CXCL11: variants seen among roughly 807,000 people sequenced by gnomAD.
CXCL11 encodes C-X-C motif chemokine 11.
Under a neutral mutation model 9.7 loss-of-function variants are expected in CXCL11, and 7 were observed. That is an observed-to-expected ratio of 0.72 (90% CI 0.41 to 1.36). CXCL11 has a LOEUF of 1.36. CXCL11 is among the 40% of genes most tolerant of loss of function. The pLI, the probability that CXCL11 is intolerant of heterozygous loss-of-function variation, is 0.01. For missense variants in CXCL11, 107 were observed against 113.4 expected, an observed-to-expected ratio of 0.94 and a Z score of 0.26; for synonymous variants, 35 against 34.4, an observed-to-expected ratio of 1.02 and a Z score of -0.06.
In CXCL11 at chr4:76,034,755, A is replaced by C. The variant is rs757781879; in HGVS notation, c.*38T>G. ...CAGTTAAACTTGTTCTAGGTTTTTC[A>C]GATGCTCTTTTCCAGGACTTCATAT... On this transcript the variant is annotated 3_prime_UTR_variant, in exon 4 of 4. Transcript: ENST00000306621. The C allele has an allele frequency of 2.8e-6, 4 of 1,434,996 alleles. No homozygotes were observed. The Admixed American group carries it at 7.3e-5, about 26-fold the overall frequency. The allele number at this position is 1,434,996 out of a possible 1,614,324, so 88.9% of individuals were successfully genotyped here.
rs1734228371 is a variant in CXCL11 at position 76,035,042 on chromosome 4, C to T, written c.261+5G>A. On this transcript the variant is annotated splice_donor_5th_base_variant and intron_variant, in intron 3 of 3. Transcript: ENST00000306621. ...TTATAACATGGGAGTAATTTGGTAA[C>T]TTACTTTGATTATAAGCCTTGCTTG... 1 of 1,608,636 alleles carries T rather than the reference C, an allele frequency of 6.2e-7. No homozygotes were observed. The highest frequency in any genetic ancestry group is 1.1e-5 in the South Asian group (1 of 90,912).
chr4:76,034,932 T>A, intron 3 of CXCL11, 115 bp downstream of exon 3: 1 of 1,346,234 alleles, frequency 7.4e-7, no homozygotes, highest in East Asian at 2.3e-5. Context: ...CTTAACAGAA[T>A]ATTTCACACA....
rs1734226374 is a variant in CXCL11 at position 76,035,031 on chromosome 4, T to C, written c.261+16A>G. 2 of 1,597,786 alleles carry C rather than the reference T, an allele frequency of 1.3e-6. No homozygotes were observed. The highest frequency in any genetic ancestry group is 1.7e-6 in the Non-Finnish European group (2 of 1,165,496). ...GATAAAACAGATTATAACATGGGAG[T>C]AATTTGGTAACTTACTTTGATTATA... On this transcript the variant is annotated intron_variant, in intron 3 of 3. Transcript: ENST00000306621.
At chr4:76,035,840 A>G in intron 1 of CXCL11, 87 bp downstream of exon 1, 4 of 1,203,170 alleles carry the variant, frequency 3.3e-6, no homozygotes, top group Non-Finnish European at 4.8e-6. Flanking sequence ...AAACTTTATC[A>G]TGTCTTTTAG....
At chr4:76,034,921 C>T in intron 3 of CXCL11, 105 bp from the exon 4 acceptor site, 1 of 1,346,076 alleles carries the variant, frequency 7.4e-7, no homozygotes, top group East Asian at 2.3e-5. Flanking sequence ...ACCAAGGACC[C>T]CTTAACAGAA....
At position 76,034,444 on chromosome 4, in the gene CXCL11, G is replaced by C. The variant is rs1009345470; in HGVS notation, c.*349C>G. 5 of 487,468 alleles carry C rather than the reference G, an allele frequency of 1.0e-5. No individual in the cohort carries two copies. The highest frequency in any genetic ancestry group is 8.0e-5 in the Admixed American group (2 of 24,850). 30.2% of individuals were successfully genotyped at this position (487,468 alleles called of 1,614,324 possible). Reference sequence around the variant, plus strand: ...CAAATCTAGAAGGTTCTCTAGCCTAGAAATGCATGAATGTATAATGCAACA... The same window carrying C: ...CAAATCTAGAAGGTTCTCTAGCCTACAAATGCATGAATGTATAATGCAACA... On this transcript the variant is annotated 3_prime_UTR_variant, in exon 4 of 4. Transcript: ENST00000306621.
Position 76,035,346 on chromosome 4 carries a change from G to T in CXCL11, c.62-4C>A. Reference sequence around the variant, plus strand: ...CCTCTTTTGAACATGGGGAAGCCTAGAATAGATCATAGCATTAGTTAGTAA... The same window carrying T: ...CCTCTTTTGAACATGGGGAAGCCTATAATAGATCATAGCATTAGTTAGTAA... On this transcript the variant is annotated splice_polypyrimidine_tract_variant and splice_region_variant and intron_variant, in intron 1 of 3. Coordinates refer to ENST00000306621, the MANE Select transcript of CXCL11 (RefSeq NM_005409.5). The T allele has an allele frequency of 2.5e-6, 4 of 1,613,546 alleles. No individual in the cohort carries two copies. The highest frequency in any genetic ancestry group is 3.4e-6 in the Non-Finnish European group (4 of 1,179,704).
chr4:76,034,685 A>C lies in CXCL11; in HGVS notation c.*108T>G. On this transcript the variant is annotated 3_prime_UTR_variant, in exon 4 of 4. Transcript: ENST00000306621. The stretch of plus-strand genomic sequence containing the variant: ...AGTTGAAAGTCACAAAACCATAGAA[A>C]AGTCTCAGTTTCCTACTGTAGAATT... The C allele has an allele frequency of 1.1e-6, 1 of 883,802 alleles. No individual in the cohort carries two copies. The highest frequency in any genetic ancestry group is 1.8e-6 in the Non-Finnish European group (1 of 562,862). The allele number at this position is 883,802 out of a possible 1,614,324, so 54.7% of individuals were successfully genotyped here.
At position 76,036,070 on chromosome 4, in the gene CXCL11, C is replaced by T; in HGVS notation, c.-83G>A. ...TCTTGGAAGGAGTAGAAATGCTGAACATGAAAGGAAATTGATAATTGGCAT... is the reference window on the plus strand; with the variant it reads ...TCTTGGAAGGAGTAGAAATGCTGAATATGAAAGGAAATTGATAATTGGCAT... On this transcript the variant is annotated 5_prime_UTR_variant, in exon 1 of 4. Transcript: ENST00000306621. The T allele has an allele frequency of 7.7e-7, 1 of 1,300,064 alleles. No individual in the cohort carries two copies. 80.5% of individuals were successfully genotyped at this position (1,300,064 alleles called of 1,614,324 possible). A position where few individuals can be genotyped will look rare whatever the true frequency, so the allele number is the denominator to read the frequency against.
chr4:76,034,933 A>G, intron 3 of CXCL11, 114 bp downstream of exon 3: 1 of 1,353,456 alleles, frequency 7.4e-7, no homozygotes, highest in Non-Finnish European at 1.0e-6. Context: ...TTAACAGAAT[A>G]TTTCACACAG....
At position 76,034,322 on chromosome 4, in the gene CXCL11, T is replaced by G; in HGVS notation, c.*471A>C. On this transcript the variant is annotated 3_prime_UTR_variant, in exon 4 of 4. Transcript: ENST00000306621. The stretch of plus-strand genomic sequence containing the variant: ...AGTAATAATGTCAATGTCTCCACCG[T>G]AACCACAGATAGTAATATAGCATAA... 1 of 399,036 alleles carries G rather than the reference T, an allele frequency of 2.5e-6. No individual in the cohort carries two copies. Among genetic ancestry groups the G allele is most frequent in the Non-Finnish European group, 4.4e-6 (1 of 227,042 alleles). 24.7% of individuals were successfully genotyped at this position (399,036 alleles called of 1,614,324 possible). A position where few individuals can be genotyped will look rare whatever the true frequency, so the allele number is the denominator to read the frequency against.
In CXCL11 at chr4:76,035,950, A is replaced by G. The variant is rs1734357007; in HGVS notation, c.38T>C (p.Ile13Thr). 1 of 1,613,982 alleles carries G rather than the reference A, an allele frequency of 6.2e-7. No homozygotes were observed. ...ACCTTGAACAACTGTAGCACACAAT[A>G]TCACAGCCAAGGCTATAGCCATGCC... ...VKGMAIALAVILCATVVQGFP... is the reference protein window; with the variant it reads ...VKGMAIALAVTLCATVVQGFP... The change falls in exon 1 of 4, where the codon ATA (isoleucine) becomes ACA (threonine). Residue 13 changes from isoleucine (I) to threonine (T), a missense_variant. Ile to Thr is a moderately conservative substitution (Grantham distance 89). Coordinates refer to ENST00000306621, the MANE Select transcript of CXCL11 (RefSeq NM_005409.5).
intron 3 of CXCL11, 66 bp from the exon 4 acceptor site, chr4:76,034,882 A>C (rs1328451206): frequency 2.1e-6 from 3 of 1,450,242 alleles, no homozygotes; most frequent in South Asian, 1.2e-5. Flanking sequence ...ACATCTAAAA[A>C]CATGTAGTAA....
intron 1 of CXCL11, 112 bp downstream of exon 1, chr4:76,035,815 C>T: frequency 2.1e-6 from 2 of 932,784 alleles, no homozygotes; most frequent in South Asian, 1.6e-5. Context: ...AACTTCTAAT[C>T]TGTGAGATTA....
Position 76,035,079 on chromosome 4 carries a change from G to T in CXCL11, c.229C>A (p.Pro77Thr), listed in dbSNP as rs1212503924. 6.2e-7 allele frequency: 1 copy of T among 1,613,868 alleles called. No homozygotes were observed. The highest frequency in any genetic ancestry group is 8.5e-7 in the Non-Finnish European group (1 of 1,179,814). Residue 77 changes from proline (P) to threonine (T), a missense_variant, in exon 3 of 4, where the codon CCC becomes ACC. Coordinates refer to ENST00000306621, the MANE Select transcript of CXCL11 (RefSeq NM_005409.5). The part of the protein sequence containing the change: ...KENKGQRCLN[P>T]KSKQARLIIK... ...ATAAGCCTTGCTTGCTTCGATTTGG[G>T]ATTTAGGCATCGTTGTCCTTTATTT...
chr4:76,035,851 G>A lies in CXCL11; in HGVS notation c.61+76C>T. The A allele has an allele frequency of 3.1e-6, 4 of 1,294,260 alleles. 1 individual carries two copies. The South Asian group carries it at 5.0e-5, about 16-fold the overall frequency. The allele number at this position is 1,294,260 out of a possible 1,614,324, so 80.2% of individuals were successfully genotyped here. ...AATAAAACTTTATCATGTCTTTTAGGATAAAAGTGGAAGAAAAGACATTTG... is the reference window on the plus strand; with the variant it reads ...AATAAAACTTTATCATGTCTTTTAGAATAAAAGTGGAAGAAAAGACATTTG... On this transcript the variant is annotated intron_variant, in intron 1 of 3. Transcript: ENST00000306621.
Position 76,035,247 on chromosome 4 carries a change from G to C in CXCL11, c.157C>G (p.Pro53Ala), listed in dbSNP as rs768792447. The change falls in exon 2 of 4, where the codon CCA becomes GCA. Residue 53 changes from proline (P) to alanine (A), a missense_variant. Pro to Ala is a conservative substitution (Grantham distance 27). Coordinates refer to ENST00000306621, the MANE Select transcript of CXCL11 (RefSeq NM_005409.5). ...ADIEKASIMYPSNNCDKIEVI... is the reference protein window; with the variant it reads ...ADIEKASIMYASNNCDKIEVI... ...TCTATTTTGTCACAGTTGTTACTTG[G>C]GTACATTATGGAGGCTTTCTCAATA... is the stretch of plus-strand genomic sequence containing the variant. 6.2e-7 allele frequency: 1 copy of C among 1,613,992 alleles called. No homozygotes were observed. The highest frequency in any genetic ancestry group is 1.3e-5 in the African/African-American group (1 of 75,008).
At position 76,033,931 on chromosome 4, in the gene CXCL11, T is replaced by C. The variant is rs1302860085; in HGVS notation, c.*862A>G. ...TTGTATTTCAGATGTGTCCAAGATA[T>C]TGCTATCATTTATACAAACGGATCA... On this transcript the variant is annotated 3_prime_UTR_variant, in exon 4 of 4. Coordinates refer to ENST00000306621, the MANE Select transcript of CXCL11 (RefSeq NM_005409.5). 1 of 152,404 alleles carries C rather than the reference T, an allele frequency of 6.6e-6. No homozygotes were observed. The highest frequency in any genetic ancestry group is 1.9e-4 in the East Asian group (1 of 5,206). 9.4% of individuals were successfully genotyped at this position (152,404 alleles called of 1,614,324 possible).
rs752997462 is a variant in CXCL11, at chr4:76,034,188, T to C, written c.*605A>G. On this transcript the variant is annotated 3_prime_UTR_variant, in exon 4 of 4. Coordinates refer to ENST00000306621, the MANE Select transcript of CXCL11 (RefSeq NM_005409.5). The stretch of plus-strand genomic sequence containing the variant: ...ATGCATAAGAATGTCTCCCTACATA[T>C]TGATGTGCTACATGATGTTTGGGGA... 3 of 357,936 alleles carry C rather than the reference T, an allele frequency of 8.4e-6. No homozygotes were observed. The highest frequency in any genetic ancestry group is 1.5e-5 in the Non-Finnish European group (3 of 201,182). The allele number at this position is 357,936 out of a possible 1,614,324, so 22.2% of individuals were successfully genotyped here.
Sources: allele counts gnomAD v4.1 joint callset, GRCh38; gene constraint gnomAD v4.1.1; transcripts MANE v1.5; gene names NCBI Gene and HGNC (gene_info 2026-07-23, HGNC 2026-07-21).